TUBGCP3: variants seen among roughly 807,000 people sequenced by gnomAD.
TUBGCP3 encodes the protein gamma-tubulin complex component 3.
In TUBGCP3, 50 loss-of-function variants were observed where a neutral mutation model predicts 123.1. The observed-to-expected ratio is 0.41, with a 90% CI of 0.32 to 0.51. TUBGCP3 has a LOEUF of 0.51. Ranked by LOEUF, TUBGCP3 falls within the 20% of genes least tolerant of loss-of-function variation. The probability of loss-of-function intolerance (pLI) is 0.36; values close to 1 mark genes in which losing one functional copy is unlikely to be tolerated. For synonymous variants in TUBGCP3, 405 were observed against 413.9 expected, an observed-to-expected ratio of 0.98 and a Z score of 0.26; for missense variants, 882 against 1,127.0, an observed-to-expected ratio of 0.78 and a Z score of 3.11.
At chr13:112,599,578 C>T in the TUBGCP3 span, among the ~76,000 whole-genome samples, 1 of 152,222 alleles carries the variant, frequency 6.6e-6, no homozygotes, top group Non-Finnish European at 1.5e-5. Context: ...GTGGTCTCGG[C>T]TCACTGTAAC....
intron 8 of TUBGCP3, among the ~76,000 whole-genome samples, chr13:112,552,092 C>T (rs112640836): frequency 3.0e-3 from 461 of 152,280 alleles, no homozygotes; most frequent in African/African-American, 0.01. Flanking sequence ...TCCTGCCGTG[C>T]GGCCCAGTTC....
chr13:112,514,377 C>T (rs970128714), intron 17 of TUBGCP3, among the ~76,000 whole-genome samples: 1 of 152,026 alleles, frequency 6.6e-6, no homozygotes, highest in Non-Finnish European at 1.5e-5. Flanking sequence ...AGAGGCCAGG[C>T]ATGGTGGCTT....
chr13:112,580,450 A>C (rs536729028), intron 1 of TUBGCP3, among the ~76,000 whole-genome samples: 1 of 152,242 alleles, frequency 6.6e-6, no homozygotes, highest in African/African-American at 2.4e-5. Flanking sequence ...TGGACAATAC[A>C]GCAAGATCCT....
At chr13:112,513,965 AG>A (rs1875853985) in intron 17 of TUBGCP3, among the ~76,000 whole-genome samples, 1 of 152,216 alleles carries the variant, frequency 6.6e-6, no homozygotes, top group Non-Finnish European at 1.5e-5. Flanking sequence ...CAACCTAGCC[AG>A]GAAGTTAATC....
chr13:112,511,772 T>C lies in TUBGCP3; in HGVS notation c.2086+4668A>G, dbSNP rs1881690814. 6.6e-6 allele frequency among the ~76,000 whole-genome samples: 1 copy of C among 152,182 alleles called. No individual in the cohort carries two copies. Among genetic ancestry groups the C allele is most frequent in the African/African-American group, 2.4e-5 (1 of 41,450 alleles). ...GGGCCAATCCAACCTTTTCAGATTCTGGGTCTCAGGCTGCTCTCCACTATA... is the reference window on the plus strand; with the variant it reads ...GGGCCAATCCAACCTTTTCAGATTCCGGGTCTCAGGCTGCTCTCCACTATA... On this transcript the variant is annotated intron_variant, in intron 17 of 21. Coordinates refer to ENST00000261965, the MANE Select transcript of TUBGCP3 (RefSeq NM_006322.6). This position sits in a 1 kb window ranked among gnomAD's most constrained non-coding sequence, Gnocchi z 4.1.
Position 112,516,445 on chromosome 13 carries a change from A to G in TUBGCP3, c.2081T>C (p.Met694Thr), listed in dbSNP as rs1876137024. The G allele has an allele frequency of 1.2e-6, 2 of 1,603,942 alleles. No homozygotes were observed. Among genetic ancestry groups the G allele is most frequent in the Non-Finnish European group, 1.7e-6 (2 of 1,174,634 alleles). Reference sequence around the variant, plus strand: ...TGACCGTGCTGGGGGCTCACCTGGCATGTTTCTCAGGAGCTTTGCATTGCA... The same window carrying G: ...TGACCGTGCTGGGGGCTCACCTGGCGTGTTTCTCAGGAGCTTTGCATTGCA... ...HMCNAKLLRN[M>T]PEFSGVLHQC... The change falls in exon 17 of 22, where the codon ATG (methionine) becomes ACG (threonine). Residue 694 changes from methionine to threonine, a missense_variant. This residue lies in a region of TUBGCP3 where 713 missense variants were observed against 874.0 expected (regional missense o/e 0.82). Transcript: ENST00000261965.
At chr13:112,572,242 A>G (rs1320522016) in intron 1 of TUBGCP3, among the ~76,000 whole-genome samples, 1 of 152,144 alleles carries the variant, frequency 6.6e-6, no homozygotes, top group Non-Finnish European at 1.5e-5. Context: ...TCTTCATTTC[A>G]CTTGAACACT....
At chr13:112,576,520 C>T (rs1029497444) in intron 1 of TUBGCP3, among the ~76,000 whole-genome samples, 2 of 152,026 alleles carry the variant, frequency 1.3e-5, no homozygotes, top group African/African-American at 4.8e-5. Flanking sequence ...CACAAAAAAA[C>T]GGGTACTGAG....
At chr13:112,563,898 T>C (rs1365192967) in intron 3 of TUBGCP3, among the ~76,000 whole-genome samples, 11 of 150,912 alleles carry the variant, frequency 7.3e-5, no homozygotes, top group African/African-American at 2.4e-5. Flanking sequence ...AGTGTCTAAA[T>C]ATGTTTTCAT....
chr13:112,504,213 TG>T, intron 18 of TUBGCP3, 50 bp from the exon 19 acceptor site: 1 of 1,611,650 alleles, frequency 6.2e-7, no homozygotes, highest in East Asian at 2.2e-5. Context: ...TCCTTCCTAG[TG>T]TAGCATCACT....
intron 11 of TUBGCP3, among the ~76,000 whole-genome samples, chr13:112,542,796 T>C (rs1321004062): frequency 3.3e-5 from 5 of 152,138 alleles, no homozygotes; most frequent in African/African-American, 9.6e-5. Flanking sequence ...TTAATACAAA[T>C]TGCATATAAA....
chr13:112,545,619 A>G lies in TUBGCP3; in HGVS notation c.1335+80T>C. On this transcript the variant is annotated intron_variant, in intron 11 of 21. Coordinates refer to ENST00000261965, the MANE Select transcript of TUBGCP3 (RefSeq NM_006322.6). This position sits in a 1 kb window ranked among gnomAD's most constrained non-coding sequence, Gnocchi z 4.1. ...TTCCTGTTAGGAGAACATGGTAATC[A>G]TGAGGGGAAAAATGAAACAGCATAA... 6.6e-7 allele frequency: 1 copy of G among 1,525,722 alleles called. No individual in the cohort carries two copies. The highest frequency in any genetic ancestry group is 2.3e-5 in the East Asian group (1 of 43,896). 94.5% of individuals were successfully genotyped at this position (1,525,722 alleles called of 1,614,324 possible). A position where few individuals can be genotyped will look rare whatever the true frequency, so the allele number is the denominator to read the frequency against.
intron 1 of TUBGCP3, among the ~76,000 whole-genome samples, chr13:112,582,543 C>G (rs1173859554): frequency 6.6e-6 from 1 of 152,184 alleles, no homozygotes; most frequent in Non-Finnish European, 1.5e-5. Context: ...GGGGAACCCA[C>G]AGGGAAGGGC....
At chr13:112,559,216 C>A in intron 4 of TUBGCP3, 106 bp downstream of exon 4, 1 of 890,868 alleles carries the variant, frequency 1.1e-6, no homozygotes, top group African/African-American at 1.7e-5. Context: ...GACAGACAAG[C>A]TTGTTGCTTT....
chr13:112,503,974 C>A, intron 19 of TUBGCP3, 58 bp downstream of exon 19: 1 of 1,547,592 alleles, frequency 6.5e-7, no homozygotes, highest in Admixed American at 1.9e-5. Context: ...TTGACAGGAA[C>A]CCAAGAAAAG....
Position 112,504,107 on chromosome 13 carries a change from CA to C in TUBGCP3, c.2231del (p.Leu744TrpfsTer12). 6.2e-7 allele frequency: 1 copy of C among 1,614,136 alleles called. No homozygotes were observed. Among genetic ancestry groups the C allele is most frequent in the Non-Finnish European group, 8.5e-7 (1 of 1,180,026 alleles). On this transcript the variant is annotated frameshift_variant, in exon 19 of 22. Coordinates refer to ENST00000261965, the MANE Select transcript of TUBGCP3 (RefSeq NM_006322.6). LOFTEE classifies it high-confidence loss of function. ...LWNKVQQAQD[L>X]DHIIAAHEVF... ...CCTCGTGTGCAGCAATGATGTGATCCAAATCCTGGGCCTGCTGGACTTTGTT... is the reference window on the plus strand; with the variant it reads ...CCTCGTGTGCAGCAATGATGTGATCCAATCCTGGGCCTGCTGGACTTTGTT...
intron 1 of TUBGCP3, among the ~76,000 whole-genome samples, chr13:112,586,376 T>C (rs1882610862): frequency 1.3e-5 from 2 of 152,138 alleles, no homozygotes; most frequent in African/African-American, 4.8e-5. Flanking sequence ...GAACCACTGG[T>C]ATAAGGAAAA....
intron 3 of TUBGCP3, among the ~76,000 whole-genome samples, chr13:112,563,103 G>C (rs1880650050): frequency 6.6e-6 from 1 of 152,114 alleles, no homozygotes; most frequent in African/African-American, 2.4e-5. Context: ...TTCAAACCCA[G>C]CTCAGGAACA....
intron 11 of TUBGCP3, among the ~76,000 whole-genome samples, chr13:112,529,599 G>A (rs1479531630): frequency 6.6e-6 from 1 of 152,176 alleles, no homozygotes; most frequent in Non-Finnish European, 1.5e-5. Flanking sequence ...GACCCCAGTG[G>A]TCTGCCCTAC....
Sources: gnomAD v4.1 joint callset for allele counts (sites outside exome capture counted in the v4.1 genomes callset) on GRCh38, gnomAD v4.1.1 for gene constraint, gnomAD v4.1.1 regional missense constraint, Gnocchi (gnomAD v3.1) non-coding constraint, MANE v1.5 for transcripts, NCBI Gene and HGNC (gene_info 2026-07-23, HGNC 2026-07-21) for gene names.